Variants in LHPP observed in about 807,000 individuals in gnomAD.
LHPP encodes phospholysine phosphohistidine inorganic pyrophosphate phosphatase.
A neutral mutation model predicts 30.3 loss-of-function variants in LHPP; 24 were observed. That is an observed-to-expected ratio of 0.79 (90% CI 0.57 to 1.11). The LOEUF (loss-of-function observed/expected upper bound fraction) is 1.11. LHPP is among the 50% of genes most tolerant of loss of function. The probability of loss-of-function intolerance (pLI) is 0.00; values close to 1 mark genes in which losing one functional copy is unlikely to be tolerated. For missense variants in LHPP, 356 were observed against 367.2 expected, an observed-to-expected ratio of 0.97 and a Z score of 0.25; for synonymous variants, 150 against 157.1, an observed-to-expected ratio of 0.95 and a Z score of 0.34.
intron 6 of LHPP, among the ~76,000 whole-genome samples, chr10:124,537,922 C>T (rs548477789): frequency 1.3e-5 from 2 of 152,342 alleles, no homozygotes; most frequent in South Asian, 2.1e-4. Flanking sequence ...GGGAAGGACA[C>T]GGCCAAGGGG....
At chr10:124,540,223 C>A (rs1955147565) in intron 6 of LHPP, among the ~76,000 whole-genome samples, 1 of 152,180 alleles carries the variant, frequency 6.6e-6, no homozygotes, top group Admixed American at 6.5e-5. Flanking sequence ...GTGCTGTGGC[C>A]TCCCGAGACA....
At chr10:124,594,624 TAA>T (rs960666983) in intron 6 of LHPP, among the ~76,000 whole-genome samples, 4 of 139,234 alleles carry the variant, frequency 2.9e-5, no homozygotes, top group African/African-American at 1.0e-4. Context: ...TTCAATTCAG[TAA>T]ACTTTTTTTT....
At chr10:124,598,331 G>C (rs1238667873) in intron 6 of LHPP, among the ~76,000 whole-genome samples, 3 of 152,222 alleles carry the variant, frequency 2.0e-5, no homozygotes, top group Non-Finnish European at 2.9e-5. Flanking sequence ...CCTTGCCACT[G>C]GTCCCCAGGC....
rs1421549050 is a variant in LHPP, at chr10:124,495,209, T to A, written c.468-1752T>A. Among the ~76,000 whole-genome samples, 14 of 152,212 alleles carry A rather than the reference T, an allele frequency of 9.2e-5. No individual in the cohort carries two copies. In the East Asian group the frequency reaches 2.7e-3, roughly 29 times the overall value. ...TTTCAGGTCCCCCCTCTGTGAGCATTCACAGCATCCCAGCCAGCCTGTATC... is the reference window on the plus strand; with the variant it reads ...TTTCAGGTCCCCCCTCTGTGAGCATACACAGCATCCCAGCCAGCCTGTATC... On this transcript the variant is annotated intron_variant, in intron 3 of 6. Coordinates refer to ENST00000368842, the MANE Select transcript of LHPP (RefSeq NM_022126.4).
intron 6 of LHPP, among the ~76,000 whole-genome samples, chr10:124,594,329 CAAAAAAAAAAAA>C (rs71026102): frequency 4.0e-5 from 3 of 75,344 alleles, no homozygotes; most frequent in African/African-American, 1.9e-4. Flanking sequence ...GACTCCATCT[CAAAAAAAAAAAA>C]AAAAAAAAAA....
chr10:124,578,853 C>T (rs1272328921), intron 6 of LHPP, among the ~76,000 whole-genome samples: 1 of 152,218 alleles, frequency 6.6e-6, no homozygotes, highest in African/African-American at 2.4e-5. Flanking sequence ...AAAAGCTCTT[C>T]ACAGCCCTGA....
At chr10:124,560,940 CA>C (rs1451970381) in intron 6 of LHPP, among the ~76,000 whole-genome samples, 1 of 152,128 alleles carries the variant, frequency 6.6e-6, no homozygotes, top group African/African-American at 2.4e-5. Context: ...TTCCTCCTGC[CA>C]AGTGCAATGA....
intron 3 of LHPP, chr10:124,493,888 G>C (rs1482983914): frequency 3.3e-5 from 5 of 152,172 alleles, no homozygotes; most frequent in African/African-American, 1.2e-4. Flanking sequence ...TATTTGCTCT[G>C]TCTCTAAAAA....
intron 6 of LHPP, among the ~76,000 whole-genome samples, chr10:124,574,609 C>T (rs999305205): frequency 1.3e-5 from 2 of 151,942 alleles, no homozygotes; most frequent in Non-Finnish European, 2.9e-5. Flanking sequence ...TTGGTGGCGC[C>T]GAGGGAGGGG....
In LHPP at chr10:124,506,476, G is replaced by A. The variant is rs1040713630; in HGVS notation, c.624+8348G>A. Among the ~76,000 whole-genome samples the A allele has an allele frequency of 1.2e-4, 18 of 151,682 alleles. 1 individual carries two copies. The highest frequency in any genetic ancestry group is 2.1e-4 in the South Asian group (1 of 4,778). ...CCTGGGGAGAACCGCAGCATTAAGCGGTATTAAGAGAACGGTTACGGAGAA... is the reference window on the plus strand; with the variant it reads ...CCTGGGGAGAACCGCAGCATTAAGCAGTATTAAGAGAACGGTTACGGAGAA... On this transcript the variant is annotated intron_variant, in intron 5 of 6. Coordinates refer to ENST00000368842, the MANE Select transcript of LHPP (RefSeq NM_022126.4).
chr10:124,535,225 G>A (rs1042491177), intron 6 of LHPP, among the ~76,000 whole-genome samples: 1 of 152,196 alleles, frequency 6.6e-6, no homozygotes, highest in African/African-American at 2.4e-5. Context: ...GCCTGTATGA[G>A]AGAGAACTGA....
At chr10:124,557,859 C>A (rs987848776) in intron 6 of LHPP, among the ~76,000 whole-genome samples, 4 of 151,980 alleles carry the variant, frequency 2.6e-5, no homozygotes, top group African/African-American at 9.7e-5. Flanking sequence ...AGTGGTGGAG[C>A]GTGTTGCCTG....
At chr10:124,597,272 C>A (rs1363224005) in intron 6 of LHPP, among the ~76,000 whole-genome samples, 1 of 152,212 alleles carries the variant, frequency 6.6e-6, no homozygotes, top group African/African-American at 2.4e-5. Context: ...AATAAACTCC[C>A]TTTCATGTAT....
intron 6 of LHPP, chr10:124,605,321 G>A (rs1432392788): frequency 7.0e-6 from 1 of 143,330 alleles, no homozygotes; most frequent in Non-Finnish European, 1.6e-5. Flanking sequence ...GGTCAGGCCT[G>A]TGGGGGGGAC....
chr10:124,613,244 C>T lies in LHPP; in HGVS notation c.717-20C>T. On this transcript the variant is annotated intron_variant, in intron 6 of 6. Transcript: ENST00000368842. ...GGGTCAGCGTGGGGGCACTGACTAA[C>T]CTCCGGCCATCCTCTCCAGGCCCAG... is the stretch of plus-strand genomic sequence containing the variant. 1 of 1,598,498 alleles carries T rather than the reference C, an allele frequency of 6.3e-7. No homozygotes were observed. Among genetic ancestry groups the T allele is most frequent in the Non-Finnish European group, 8.6e-7 (1 of 1,166,814 alleles).
At chr10:124,497,196 G>A (rs1453321083) in intron 4 of LHPP, among the ~76,000 whole-genome samples, 172 bp downstream of exon 4, 1 of 149,330 alleles carries the variant, frequency 6.7e-6, no homozygotes, top group Non-Finnish European at 1.5e-5. Flanking sequence ...CGGGCCCTCA[G>A]GCCCTCAGCT....
intron 6 of LHPP, among the ~76,000 whole-genome samples, chr10:124,539,445 C>T (rs11591735): frequency 0.12 from 17,629 of 151,964 alleles, 1,382 homozygotes; most frequent in Non-Finnish European, 0.16. Flanking sequence ...GGCAACATGG[C>T]GAAACCCCAT....
At chr10:124,588,872 C>T (rs1948841182) in intron 6 of LHPP, among the ~76,000 whole-genome samples, 1 of 152,112 alleles carries the variant, frequency 6.6e-6, no homozygotes, top group Admixed American at 6.5e-5. Context: ...ACCCTCCACA[C>T]ATGTTGCACA....
intron 6 of LHPP, among the ~76,000 whole-genome samples, chr10:124,574,471 T>G (rs1030864127): frequency 1.3e-5 from 2 of 152,172 alleles, no homozygotes; most frequent in Admixed American, 6.5e-5. Flanking sequence ...GGCTTTGATC[T>G]GCGGGAGGTG....
Sources: allele counts gnomAD v4.1 joint callset (sites outside exome capture counted in the v4.1 genomes callset), GRCh38; gene constraint gnomAD v4.1.1; transcripts MANE v1.5; gene names NCBI Gene and HGNC (gene_info 2026-07-23, HGNC 2026-07-21).